RCBTB2: variants seen among roughly 807,000 people sequenced by gnomAD.
RCBTB2 encodes the protein RCC1 and BTB domain containing protein 2, also known as RCC1 and BTB domain-containing protein 2.
Under a neutral mutation model 65.4 loss-of-function variants are expected in RCBTB2, and 55 were observed. The ratio of observed to expected loss-of-function variants is 0.84; its 90% CI spans 0.68 to 1.05. The LOEUF is 1.05. RCBTB2 is among the 50% of genes least tolerant of loss of function. The probability of loss-of-function intolerance (pLI) is 0.00; values close to 1 mark genes in which losing one functional copy is unlikely to be tolerated. For synonymous variants in RCBTB2, 220 were observed against 255.2 expected (o/e 0.86, Z 1.31); for missense variants, 599 against 680.1 (o/e 0.88, Z 1.33).
At chr13:48,510,600 T>G (rs1369042890) in intron 10 of RCBTB2, 29 bp downstream of exon 10, 1 of 1,611,492 alleles carries the variant, frequency 6.2e-7, no homozygotes, top group Admixed American at 1.7e-5. Flanking sequence ...CAAAGACCAG[T>G]GTGGGGACTG....
chr13:48,502,228 C>T lies in RCBTB2; in HGVS notation c.1118-360G>A, dbSNP rs563657267. Among the ~76,000 whole-genome samples, 11 of 152,276 alleles carry T rather than the reference C, an allele frequency of 7.2e-5. No individual in the cohort carries two copies. In the South Asian group the frequency reaches 1.5e-3, roughly 20 times the overall value. On this transcript the variant is annotated intron_variant, in intron 11 of 14. Coordinates refer to ENST00000344532, the MANE Select transcript of RCBTB2 (RefSeq NM_001268.4). ...TAAGGATAGGGCACAATGGCTCACACCTGTGATCCCAACACTTTGGCAGGG... is the reference window on the plus strand; with the variant it reads ...TAAGGATAGGGCACAATGGCTCACATCTGTGATCCCAACACTTTGGCAGGG...
upstream of RCBTB2, chr13:48,533,343 C>A (rs1485943895): frequency 3.4e-6 from 1 of 297,322 alleles, no homozygotes; most frequent in Admixed American, 4.8e-5. Flanking sequence ...CCAGGGAGTT[C>A]CTCCGTGGGT....
chr13:48,491,293 C>T (rs910375398), intron 14 of RCBTB2, among the ~76,000 whole-genome samples: 5 of 150,486 alleles, frequency 3.3e-5, no homozygotes, highest in African/African-American at 7.5e-5. Flanking sequence ...TATAAACCTA[C>T]GGTACATTTT....
chr13:48,527,492 A>G (rs1295886947), intron 1 of RCBTB2, among the ~76,000 whole-genome samples: 1 of 151,134 alleles, frequency 6.6e-6, no homozygotes, highest in Non-Finnish European at 1.5e-5. Context: ...ATCTTATTAT[A>G]CTAATGTTTG....
Position 48,512,142 on chromosome 13 carries a change from C to T in RCBTB2, c.549G>A (p.Gln183=). 1 of 1,614,110 alleles carries T rather than the reference C, an allele frequency of 6.2e-7. No individual in the cohort carries two copies. Among genetic ancestry groups the T allele is most frequent in the Non-Finnish European group, 8.5e-7 (1 of 1,179,954 alleles). ...VFAWGYNNSG[Q]VGSGSTVNQP... ...GATTAACTGTTGATCCAGATCCTAC[C>T]TGCCCAGAGTTATTATAACCCCAGG... Residue 183 remains glutamine (Q), a synonymous_variant, in exon 8 of 15, where the codon CAG becomes CAA. Transcript: ENST00000344532.
chr13:48,531,662 C>A (rs998054236), intron 1 of RCBTB2, among the ~76,000 whole-genome samples: 7 of 152,182 alleles, frequency 4.6e-5, no homozygotes, highest in Non-Finnish European at 8.8e-5. Context: ...AAGAACGTAT[C>A]ATTCTTGTTG....
intron 6 of RCBTB2, among the ~76,000 whole-genome samples, chr13:48,514,288 T>C (rs9331998): frequency 0.048 from 7,284 of 152,284 alleles, 597 homozygotes; most frequent in African/African-American, 0.17. Context: ...ATGGCAGAGA[T>C]GCTGGACAAA....
At position 48,489,983 on chromosome 13, in the gene RCBTB2, T is replaced by C; in HGVS notation, c.*128A>G. 1 of 1,010,856 alleles carries C rather than the reference T, an allele frequency of 9.9e-7. No individual in the cohort carries two copies. Among genetic ancestry groups the C allele is most frequent in the South Asian group, 1.4e-5 (1 of 72,802 alleles). The allele number at this position is 1,010,856 out of a possible 1,614,324, so 62.6% of individuals were successfully genotyped here. ...GACAAAGACCACTCACCACCATCCT[T>C]CTTCTGACAGTTACAAGTACTCAGC... On this transcript the variant is annotated 3_prime_UTR_variant, in exon 15 of 15. Transcript: ENST00000344532.
intron 10 of RCBTB2, among the ~76,000 whole-genome samples, chr13:48,510,392 T>G (rs1173996624): frequency 6.6e-6 from 1 of 152,226 alleles, no homozygotes; most frequent in Non-Finnish European, 1.5e-5. Flanking sequence ...CACTGCAGTT[T>G]GCTTAGAATA....
At position 48,522,361 on chromosome 13, in the gene RCBTB2, A is replaced by G. The variant is rs1411890368; in HGVS notation, c.-77T>C. On this transcript the variant is annotated 5_prime_UTR_variant, in exon 3 of 15. Coordinates refer to ENST00000344532, the MANE Select transcript of RCBTB2 (RefSeq NM_001268.4). ...AGTTCCAAATCACGGGGAAGAGCGG[A>G]CATCAATTCTCAGCTCCACAGAAGA... The G allele has an allele frequency of 2.6e-6, 4 of 1,524,072 alleles. No homozygotes were observed. The East Asian group carries it at 7.3e-5, about 28-fold the overall frequency. The allele number at this position is 1,524,072 out of a possible 1,614,324, so 94.4% of individuals were successfully genotyped here.
chr13:48,523,778 G>A (rs1253625417), intron 2 of RCBTB2, among the ~76,000 whole-genome samples: 3 of 152,110 alleles, frequency 2.0e-5, no homozygotes, highest in East Asian at 1.9e-4. Context: ...ATGAAAAACC[G>A]ATCCTGGGCT....
chr13:48,527,339 T>TATATATATATC (rs1951820156), intron 1 of RCBTB2, among the ~76,000 whole-genome samples: 4 of 118,028 alleles, frequency 3.4e-5, no homozygotes, highest in East Asian at 4.3e-4. Context: ...ATATATATGA[T>TATATATATATC]ATATATATAT....
intron 7 of RCBTB2, among the ~76,000 whole-genome samples, chr13:48,512,505 G>A (rs6561454): frequency 0.011 from 1,691 of 152,240 alleles, 24 homozygotes; most frequent in African/African-American, 0.039. Context: ...CAGCAACAGA[G>A]AAGGAACAAT....
chr13:48,534,212 G>A (rs776480028), upstream of RCBTB2, among the ~76,000 whole-genome samples: 4 of 152,196 alleles, frequency 2.6e-5, no homozygotes, highest in African/African-American at 9.7e-5. Flanking sequence ...AGTGCAGAGA[G>A]GCATCGTGTG....
At chr13:48,524,905 C>T (rs1167061324) in intron 1 of RCBTB2, 148 bp from the exon 2 acceptor site, 1 of 152,066 alleles carries the variant, frequency 6.6e-6, no homozygotes, top group Non-Finnish European at 1.5e-5. Flanking sequence ...AAAAAGTCAG[C>T]AGCAGAGATG....
intron 4 of RCBTB2, among the ~76,000 whole-genome samples, chr13:48,516,345 A>C (rs1039608644): frequency 1.8e-4 from 28 of 152,248 alleles, no homozygotes; most frequent in African/African-American, 6.8e-4. Context: ...GCCGTAACAA[A>C]GTAGTGACAA....
intron 1 of RCBTB2, chr13:48,532,651 C>T: frequency 4.2e-6 from 1 of 237,172 alleles, no homozygotes; most frequent in Non-Finnish European, 8.5e-6. Flanking sequence ...ACGCCAAACG[C>T]GACCCCTACC....
At chr13:48,490,365 G>T in intron 14 of RCBTB2, 114 bp from the exon 15 acceptor site, 1 of 796,952 alleles carries the variant, frequency 1.3e-6, no homozygotes, top group Non-Finnish European at 2.0e-6. Context: ...ATAGGCAAGT[G>T]GAGGAAATGA....
At chr13:48,504,331 A>G in intron 10 of RCBTB2, 13 of 985,438 alleles carry the variant, frequency 1.3e-5, no homozygotes, top group South Asian at 4.7e-5. Context: ...ACATAACTCC[A>G]TCCATGATTT....
Sources: allele counts gnomAD v4.1 joint callset (sites outside exome capture counted in the v4.1 genomes callset), GRCh38; gene constraint gnomAD v4.1.1; transcripts MANE v1.5; gene names NCBI Gene and HGNC (gene_info 2026-07-23, HGNC 2026-07-21).